ANKRD29: variants seen among roughly 807,000 people sequenced by gnomAD.
ANKRD29 encodes ankyrin repeat domain-containing protein 29.
ANKRD29 carries 32 observed loss-of-function variants against 38.0 expected under a neutral mutation model. The ratio of observed to expected loss-of-function variants is 0.84; its 90% CI spans 0.64 to 1.13. The LOEUF is 1.13. Ranked by LOEUF, ANKRD29 falls within the 50% of genes most tolerant of loss-of-function variation. ANKRD29 has a pLI of 0.00. For synonymous variants in ANKRD29, 135 were observed against 152.4 expected (o/e 0.89, Z 0.84); for missense variants, 357 against 377.9 (o/e 0.94, Z 0.46).
chr18:23,615,951 CATACTATATGTAT>C (rs2059708039), intron 8 of ANKRD29, among the ~76,000 whole-genome samples: 1 of 134,580 alleles, frequency 7.4e-6, no homozygotes, highest in African/African-American at 2.7e-5. Context: ...ATAATATATA[CATACTATATGTAT>C]GTATATATAC....
In ANKRD29 at chr18:23,662,893, C is replaced by G. The variant is rs953946071; in HGVS notation, c.-163G>C. ...CGGCAGCAGCCGCCGCACACAGGGC[C>G]GGGCCGAAGGGGCGGCGCGGGGGCG... On this transcript the variant is annotated 5_prime_UTR_variant, in exon 1 of 10. Coordinates refer to ENST00000592179, the MANE Select transcript of ANKRD29 (RefSeq NM_173505.4). The G allele has an allele frequency of 7.9e-6, 4 of 504,782 alleles. No homozygotes were observed. The Admixed American group carries it at 2.5e-4, about 32-fold the overall frequency. The allele number at this position is 504,782 out of a possible 1,614,324, so 31.3% of individuals were successfully genotyped here.
chr18:23,653,629 C>T (rs919824016), intron 1 of ANKRD29, among the ~76,000 whole-genome samples: 7 of 150,132 alleles, frequency 4.7e-5, no homozygotes, highest in African/African-American at 1.7e-4. Context: ...CTCTTCTCCC[C>T]TCCCCTCCCC....
intron 1 of ANKRD29, chr18:23,649,436 A>G: frequency 2.9e-6 from 2 of 690,956 alleles, no homozygotes; most frequent in South Asian, 1.5e-5. Flanking sequence ...TTAATAACCT[A>G]TTTCCCACTA....
chr18:23,632,447 A>C (rs1260739015), intron 5 of ANKRD29, among the ~76,000 whole-genome samples: 1 of 151,094 alleles, frequency 6.6e-6, no homozygotes, highest in Non-Finnish European at 1.5e-5. Context: ...AGTCACCTTA[A>C]AACAGAGAGG....
rs191275646 is a variant in ANKRD29, at chr18:23,600,476, A to G, written c.*750T>C. The G allele has an allele frequency of 1.2e-4, 19 of 152,560 alleles. No individual in the cohort carries two copies. Among genetic ancestry groups the G allele is most frequent in the African/African-American group, 4.3e-4 (18 of 41,592 alleles). The allele number at this position is 152,560 out of a possible 1,614,324, so 9.5% of individuals were successfully genotyped here. On this transcript the variant is annotated 3_prime_UTR_variant, in exon 10 of 10. Transcript: ENST00000592179. ...CAAGCCTATATATTTCTCGTGGTTT[A>G]TAAGTTTCTGAATTTCCAAATTTGC...
chr18:23,642,280 A>G (rs2060087809), intron 3 of ANKRD29, among the ~76,000 whole-genome samples: 1 of 151,814 alleles, frequency 6.6e-6, no homozygotes, highest in South Asian at 2.1e-4. Flanking sequence ...GGGAGCCCAG[A>G]CCTAGGGGCT....
chr18:23,654,202 G>A (rs371791121), intron 1 of ANKRD29, among the ~76,000 whole-genome samples: 1 of 151,798 alleles, frequency 6.6e-6, no homozygotes. Flanking sequence ...GGAGGCGGAG[G>A]TTGCAGTGAG....
At chr18:23,634,385 G>C (rs896752164) in intron 4 of ANKRD29, among the ~76,000 whole-genome samples, 2 of 148,336 alleles carry the variant, frequency 1.3e-5, no homozygotes, top group Non-Finnish European at 3.0e-5. Flanking sequence ...CGCCTCCTGG[G>C]TTCAAGCGAT....
chr18:23,656,113 T>C lies in ANKRD29; in HGVS notation c.21+6597A>G, dbSNP rs1231468707. Among the ~76,000 whole-genome samples, 4 of 141,398 alleles carry C rather than the reference T, an allele frequency of 2.8e-5. No individual in the cohort carries two copies. In the East Asian group the frequency reaches 8.3e-4, roughly 29 times the overall value. 92.8% of individuals were successfully genotyped at this position (141,398 alleles called of 152,430 possible). On this transcript the variant is annotated intron_variant, in intron 1 of 9. Transcript: ENST00000592179. Reference sequence around the variant, plus strand: ...GTCTCAAAAAAAAAAAAAAAAAAGATAATTCTAACAAACATGTGTCTGTGT... The same window carrying C: ...GTCTCAAAAAAAAAAAAAAAAAAGACAATTCTAACAAACATGTGTCTGTGT...
At chr18:23,648,763 A>T (rs930417258) in intron 2 of ANKRD29, 2 of 409,326 alleles carry the variant, frequency 4.9e-6, no homozygotes, top group Non-Finnish European at 8.6e-6. Flanking sequence ...CCATCTTTTC[A>T]TGGAAGTGGT....
intron 6 of ANKRD29, among the ~76,000 whole-genome samples, chr18:23,626,178 C>A (rs2059860166): frequency 6.6e-6 from 1 of 152,158 alleles, no homozygotes; most frequent in Non-Finnish European, 1.5e-5. Context: ...AGCTTCCGAC[C>A]TGGGAGAACG....
chr18:23,650,221 C>T (rs1201651823), intron 1 of ANKRD29, among the ~76,000 whole-genome samples: 1 of 152,208 alleles, frequency 6.6e-6, no homozygotes, highest in Non-Finnish European at 1.5e-5. Context: ...TTATGACTCA[C>T]TGCAGCCTCG....
At chr18:23,649,289 C>T in intron 1 of ANKRD29, 96 bp from the exon 2 acceptor site, 1 of 892,216 alleles carries the variant, frequency 1.1e-6, no homozygotes, top group Non-Finnish European at 1.8e-6. Flanking sequence ...AGAAGAACAT[C>T]CAGATGTGTT....
chr18:23,643,966 A>C (rs60940454), intron 3 of ANKRD29, among the ~76,000 whole-genome samples: 2,408 of 152,362 alleles, frequency 0.016, 55 homozygotes, highest in African/African-American at 0.056. Context: ...CAGGAGGCTG[A>C]GGTCTGCCTT....
rs2059487785 is a variant in ANKRD29 at position 23,599,393 on chromosome 18, A to G, written c.*1833T>C. 6.6e-6 allele frequency: 1 copy of G among 152,236 alleles called. No homozygotes were observed. The highest frequency in any genetic ancestry group is 2.1e-4 in the South Asian group (1 of 4,834). 9.4% of individuals were successfully genotyped at this position (152,236 alleles called of 1,614,324 possible). A position where few individuals can be genotyped will look rare whatever the true frequency, so the allele number is the denominator to read the frequency against. On this transcript the variant is annotated 3_prime_UTR_variant, in exon 10 of 10. Coordinates refer to ENST00000592179, the MANE Select transcript of ANKRD29 (RefSeq NM_173505.4). ...GTGAAAAACAGTAAGTTTGTGATTC[A>G]TCCCATTTTGGCTTTTGGAACTTTG...
intron 5 of ANKRD29, among the ~76,000 whole-genome samples, chr18:23,630,282 C>A (rs991638961): frequency 6.6e-6 from 1 of 152,178 alleles, no homozygotes; most frequent in African/African-American, 2.4e-5. Flanking sequence ...AAATAATTAG[C>A]CAGGCGTGGT....
chr18:23,660,563 T>A (rs2060346123), intron 1 of ANKRD29, among the ~76,000 whole-genome samples: 2 of 152,276 alleles, frequency 1.3e-5, no homozygotes, highest in South Asian at 4.1e-4. Context: ...TCCCAGCACT[T>A]TGGGAGGCTG....
At chr18:23,617,980 T>C (rs1024751666) in intron 7 of ANKRD29, among the ~76,000 whole-genome samples, 153 bp from the exon 8 acceptor site, 3 of 152,232 alleles carry the variant, frequency 2.0e-5, no homozygotes, top group Non-Finnish European at 4.4e-5. Flanking sequence ...AGGAGCATTT[T>C]AGAGAATATT....
At position 23,601,072 on chromosome 18, in the gene ANKRD29, A is replaced by G; in HGVS notation, c.*154T>C. ...AGCTGTTTGGTTCTTGACTTCGTGC[A>G]CAGAGCGTAGCTCTTCTTTGTCAGG... On this transcript the variant is annotated 3_prime_UTR_variant, in exon 10 of 10. Transcript: ENST00000592179. 2 of 649,608 alleles carry G rather than the reference A, an allele frequency of 3.1e-6. No homozygotes were observed. Among genetic ancestry groups the G allele is most frequent in the South Asian group, 4.1e-5 (2 of 48,886 alleles). The allele number at this position is 649,608 out of a possible 1,614,324, so 40.2% of individuals were successfully genotyped here.
Sources: gnomAD v4.1 joint callset for allele counts (sites outside exome capture counted in the v4.1 genomes callset) on GRCh38, gnomAD v4.1.1 for gene constraint, MANE v1.5 for transcripts, NCBI Gene and HGNC (gene_info 2026-07-23, HGNC 2026-07-21) for gene names.